PPL: variants seen among roughly 807,000 people sequenced by gnomAD.
PPL encodes periplakin, also known as 190 kDa paraneoplastic pemphigus antigen.
PPL carries 198 observed loss-of-function variants against 194.4 expected under a neutral mutation model. The ratio of observed to expected loss-of-function variants is 1.02; its 90% confidence interval spans 0.91 to 1.15. The LOEUF is 1.15. Among genes scored for constraint, PPL ranks in the 50% most tolerant of loss-of-function variants. PPL has a pLI of 0.00. For synonymous variants in PPL, 1,220 were observed against 972.4 expected (o/e 1.25, Z -4.74); for missense variants, 2,885 against 2,294.8 (o/e 1.26, Z -5.25).
chr16:4,912,712 C>T (rs1053999652), intron 1 of PPL, among the ~76,000 whole-genome samples: 10 of 152,222 alleles, frequency 6.6e-5, no homozygotes, highest in South Asian at 4.1e-4. Context: ...CACTGGGTTC[C>T]GTGGTGACAC....
chr16:4,922,514 T>C (rs2089069648), intron 1 of PPL, among the ~76,000 whole-genome samples: 1 of 151,980 alleles, frequency 6.6e-6, no homozygotes, highest in African/African-American at 2.4e-5. Flanking sequence ...ATACAAAAAT[T>C]AGCCGGGAAT....
chr16:4,914,311 G>A (rs528497047), intron 1 of PPL, among the ~76,000 whole-genome samples: 17 of 152,262 alleles, frequency 1.1e-4, no homozygotes, highest in Admixed American at 3.9e-4. Flanking sequence ...CTGAACCCAG[G>A]TCTCCAGAGC....
intron 2 of PPL, among the ~76,000 whole-genome samples, chr16:4,906,982 C>T (rs985751768): frequency 2.0e-5 from 3 of 150,942 alleles, no homozygotes; most frequent in Non-Finnish European, 4.4e-5. Flanking sequence ...CAGTGGCTCA[C>T]GCCTATAATC....
chr16:4,925,855 C>T (rs915974914), intron 1 of PPL, among the ~76,000 whole-genome samples: 39 of 152,302 alleles, frequency 2.6e-4, no homozygotes, highest in African/African-American at 6.7e-4. Context: ...CAAGAGACAT[C>T]GGAGAGACAG....
At chr16:4,897,438 T>C (rs1330853495) in intron 9 of PPL, among the ~76,000 whole-genome samples, 1 of 151,324 alleles carries the variant, frequency 6.6e-6, no homozygotes, top group Non-Finnish European at 1.5e-5. Flanking sequence ...CTGGGCCCCA[T>C]GTGACCTGGG....
chr16:4,888,851 C>A, intron 19 of PPL, 127 bp downstream of exon 19: 1 of 873,622 alleles, frequency 1.1e-6, no homozygotes, highest in South Asian at 1.4e-5. Flanking sequence ...GCACAGCAGC[C>A]GGCAGTGCCT....
rs1286212038 is a variant in PPL, at chr16:4,884,398, C to G, written c.4257G>C (p.Glu1419Asp). The change falls in exon 22 of 22, where the codon GAG becomes GAC. Residue 1419 changes from glutamate to aspartate, a missense_variant. Physicochemically the swap from Glu to Asp is conservative, Grantham distance 45. Coordinates refer to ENST00000345988, the MANE Select transcript of PPL (RefSeq NM_002705.5). The surrounding 1 kb of genome is among the most constrained non-coding windows in gnomAD (Gnocchi z 5.7). ...CCAGCCGCTGCTGCAACCGCTGTACCTCGCGCTCGGCCTCCCTGCGGGCCT... is the reference window on the plus strand; with the variant it reads ...CCAGCCGCTGCTGCAACCGCTGTACGTCGCGCTCGGCCTCCCTGCGGGCCT... ...ERQARREAEREVQRLQQRLAA... is the reference protein window; with the variant it reads ...ERQARREAERDVQRLQQRLAA... 6.2e-7 allele frequency: 1 copy of G among 1,609,234 alleles called. No homozygotes were observed. The highest frequency in any genetic ancestry group is 2.2e-5 in the East Asian group (1 of 44,836).
intron 8 of PPL, among the ~76,000 whole-genome samples, chr16:4,898,473 T>G (rs1265531011): frequency 6.6e-6 from 1 of 152,096 alleles, no homozygotes; most frequent in Non-Finnish European, 1.5e-5. Flanking sequence ...ATCCTGAAAT[T>G]AGGGTGAGCC....
intron 12 of PPL, 34 bp downstream of exon 12, chr16:4,894,422 GGGGGTGGGACT>G: frequency 6.2e-7 from 1 of 1,600,762 alleles, no homozygotes; most frequent in Non-Finnish European, 8.5e-7. Context: ...GAGAAGCCCT[GGGGGTGGGACT>G]GGTCCATGCA....
At chr16:4,931,449 C>T (rs930700185) in intron 1 of PPL, among the ~76,000 whole-genome samples, 4 of 152,236 alleles carry the variant, frequency 2.6e-5, no homozygotes, top group South Asian at 2.1e-4. Context: ...TTGTCCCACC[C>T]GGAGGCAGAA....
At position 4,902,489 on chromosome 16, in the gene PPL, C is replaced by T. The variant is rs111275204; in HGVS notation, c.355G>A (p.Gly119Arg). ...AGCCTGTAGATCTGCTTGTGTTTCCCGCGCAGGTTGGTCACACGCTCCTTC... is the reference window on the plus strand; with the variant it reads ...AGCCTGTAGATCTGCTTGTGTTTCCTGCGCAGGTTGGTCACACGCTCCTTC... Reference protein sequence around the residue: ...QLKERVTNLRGKHKQIYRLAV... With the variant: ...QLKERVTNLRRKHKQIYRLAV... Residue 119 changes from glycine to arginine, a missense_variant, in exon 4 of 22, where the codon GGG becomes AGG. By Grantham distance (125) the Gly-to-Arg change is moderately radical. Transcript: ENST00000345988. This position sits in a 1 kb window ranked among gnomAD's most constrained non-coding sequence, Gnocchi z 4.0. The T allele has an allele frequency of 5.7e-5, 92 of 1,613,756 alleles. 1 individual carries two copies. The highest frequency in any genetic ancestry group is 1.5e-4 in the African/African-American group (11 of 74,912).
intron 1 of PPL, 71 bp from the exon 2 acceptor site, chr16:4,911,020 C>A (rs1009624506): frequency 7.8e-7 from 1 of 1,283,484 alleles, no homozygotes; most frequent in African/African-American, 1.5e-5. Context: ...ACCAGCACCC[C>A]ATCCTCTGGC....
At chr16:4,926,787 G>A (rs1004938667) in intron 1 of PPL, among the ~76,000 whole-genome samples, 2 of 146,512 alleles carry the variant, frequency 1.4e-5, no homozygotes, top group African/African-American at 4.9e-5. Context: ...GCTGAGGCGG[G>A]AGAATGGCGT....
At chr16:4,922,881 C>A (rs2089078912) in intron 1 of PPL, among the ~76,000 whole-genome samples, 1 of 152,248 alleles carries the variant, frequency 6.6e-6, no homozygotes, top group Non-Finnish European at 1.5e-5. Context: ...GAATTTGGAA[C>A]CATCTCCTCC....
rs560495149 is a variant in PPL at position 4,901,728 on chromosome 16, T to C, written c.439-639A>G. Among the ~76,000 whole-genome samples, 252 of 135,152 alleles carry C rather than the reference T, an allele frequency of 1.9e-3. 2 individuals carry two copies. Among genetic ancestry groups the C allele is most frequent in the Non-Finnish European group, 3.0e-3 (189 of 63,220 alleles). The allele number at this position is 135,152 out of a possible 152,430, so 88.7% of individuals were successfully genotyped here. A position where few individuals can be genotyped will look rare whatever the true frequency, so the allele number is the denominator to read the frequency against. ...AAATAAATAATAAAACTGGGGAAGCTCAGGAGTTTGAGACCAGCCTGGCCA... is the reference window on the plus strand; with the variant it reads ...AAATAAATAATAAAACTGGGGAAGCCCAGGAGTTTGAGACCAGCCTGGCCA... On this transcript the variant is annotated intron_variant, in intron 4 of 21. Transcript: ENST00000345988.
chr16:4,883,343 G>C lies in PPL; in HGVS notation c.*41C>G, dbSNP rs747352107. 3.1e-6 allele frequency: 5 copies of C among 1,609,800 alleles called. No homozygotes were observed. The highest frequency in any genetic ancestry group is 3.4e-6 in the Non-Finnish European group (4 of 1,179,630). On this transcript the variant is annotated 3_prime_UTR_variant, in exon 22 of 22. Transcript: ENST00000345988. The surrounding 1 kb of genome is among the most constrained non-coding windows in gnomAD (Gnocchi z 4.8). ...AAGGAGGTCACTGCGTCGTAGGAGA[G>C]GGCCAGCGTCTGCCGTTACGAAGAG...
Position 4,883,153 on chromosome 16 carries a change from A to G in PPL, c.*231T>C. On this transcript the variant is annotated 3_prime_UTR_variant, in exon 22 of 22. Transcript: ENST00000345988. This position sits in a 1 kb window ranked among gnomAD's most constrained non-coding sequence, Gnocchi z 4.8. ...GAAAAGGCATCGCAGTTGTCCAGTCATTGGAGGATGAAGTACGTCACTCAG... is the reference window on the plus strand; with the variant it reads ...GAAAAGGCATCGCAGTTGTCCAGTCGTTGGAGGATGAAGTACGTCACTCAG... The G allele has an allele frequency of 1.8e-6, 1 of 561,256 alleles. No individual in the cohort carries two copies. Among genetic ancestry groups the G allele is most frequent in the South Asian group, 2.2e-5 (1 of 45,434 alleles). The allele number at this position is 561,256 out of a possible 1,614,324, so 34.8% of individuals were successfully genotyped here.
chr16:4,928,645 G>A (rs192433402), intron 1 of PPL, among the ~76,000 whole-genome samples: 1 of 152,338 alleles, frequency 6.6e-6, no homozygotes, highest in East Asian at 1.9e-4. Flanking sequence ...TCCCATCGAA[G>A]GGTGGGAAAG....
Position 4,899,005 on chromosome 16 carries a change from G to A in PPL, c.876+8C>T, listed in dbSNP as rs986078053. 6.8e-6 allele frequency: 11 copies of A among 1,611,796 alleles called. No individual in the cohort carries two copies. The highest frequency in any genetic ancestry group is 1.1e-5 in the South Asian group (1 of 91,054). On this transcript the variant is annotated splice_region_variant and intron_variant, in intron 8 of 21. Transcript: ENST00000345988. ...TGGGGGAGGTGTCTGGTCTCGGGGTGCATGAACCTCAATGGAGTTCCTCCC... is the reference window on the plus strand; with the variant it reads ...TGGGGGAGGTGTCTGGTCTCGGGGTACATGAACCTCAATGGAGTTCCTCCC...
Sources: gnomAD v4.1 joint callset for allele counts (sites outside exome capture counted in the v4.1 genomes callset) on GRCh38, gnomAD v4.1.1 for gene constraint, Gnocchi (gnomAD v3.1) non-coding constraint, MANE v1.5 for transcripts, NCBI Gene and HGNC (gene_info 2026-07-23, HGNC 2026-07-21) for gene names.